The following NPSR1 variants were observed in gnomAD, a reference collection of about 807,000 sequenced individuals.
NPSR1 encodes neuropeptide S receptor 1, also known as neuropeptide S receptor.
Under a neutral mutation model 46.9 loss-of-function variants are expected in NPSR1, and 48 were observed. That is an observed-to-expected ratio of 1.02 (90% CI 0.81 to 1.30). NPSR1 has a LOEUF of 1.30. NPSR1 is among the 50% of genes most tolerant of loss of function. NPSR1 has a pLI of 0.00. For missense variants in NPSR1, 450 were observed against 449.5 expected (o/e 1.00, Z -0.01); for synonymous variants, 176 against 168.1 (o/e 1.05, Z -0.36).
At chr7:34,840,215 G>C (rs1405006648) in intron 6 of NPSR1, among the ~76,000 whole-genome samples, 4 of 152,182 alleles carry the variant, frequency 2.6e-5, no homozygotes, top group African/African-American at 4.8e-5. Context: ...AATGGGGAGA[G>C]AGGGAGCACC....
At chr7:34,813,164 C>T (rs564879874) in intron 4 of NPSR1, among the ~76,000 whole-genome samples, 9 of 152,214 alleles carry the variant, frequency 5.9e-5, no homozygotes, top group East Asian at 3.9e-4. Flanking sequence ...AGGAATTCAT[C>T]GCTAACCTTG....
At chr7:34,799,124 T>C (rs974769093) in intron 3 of NPSR1, among the ~76,000 whole-genome samples, 12 of 152,062 alleles carry the variant, frequency 7.9e-5, no homozygotes, top group African/African-American at 2.7e-4. Context: ...AATTATTAAA[T>C]TGAAGTAGAA....
intron 8 of NPSR1, among the ~76,000 whole-genome samples, chr7:34,869,597 C>G (rs541056371): frequency 6.6e-6 from 1 of 151,884 alleles, no homozygotes; most frequent in Non-Finnish European, 1.5e-5. Context: ...ACTTCCTATA[C>G]CCTTGGGGCG....
downstream of NPSR1, among the ~76,000 whole-genome samples, chr7:34,852,246 G>T (rs996876461): frequency 2.6e-5 from 4 of 152,116 alleles, no homozygotes; most frequent in Admixed American, 1.3e-4. Context: ...CTTGCAGTGA[G>T]CCGAGATCAC....
intron 2 of NPSR1, among the ~76,000 whole-genome samples, chr7:34,697,136 T>A (rs1208181623): frequency 6.6e-6 from 1 of 151,972 alleles, no homozygotes; most frequent in East Asian, 1.9e-4. Flanking sequence ...TTGGATTCTT[T>A]ATTTTTTTTA....
intron 4 of NPSR1, among the ~76,000 whole-genome samples, chr7:34,824,166 C>T (rs771789385): frequency 2.0e-5 from 3 of 152,118 alleles, no homozygotes; most frequent in Admixed American, 6.6e-5. Flanking sequence ...TTAAGCTTGA[C>T]GTTTCTGGTT....
chr7:34,702,685 T>C (rs1793891136), intron 2 of NPSR1, among the ~76,000 whole-genome samples: 1 of 152,220 alleles, frequency 6.6e-6, no homozygotes. Flanking sequence ...TGTTTATGCT[T>C]TTCTCCCATT....
chr7:34,688,708 G>A (rs575136207), intron 2 of NPSR1, among the ~76,000 whole-genome samples: 1 of 152,182 alleles, frequency 6.6e-6, no homozygotes, highest in Admixed American at 6.5e-5. Flanking sequence ...AGGTGCACCT[G>A]CTCCTCCAGA....
Position 34,849,758 on chromosome 7 carries a change from C to A in NPSR1, c.*103C>A. ...GGAACCCGAGCCAACTTCACCCCAC[C>A]CTCGTCATTACCTGGGAGATGCACA... On this transcript the variant is annotated 3_prime_UTR_variant, in exon 9 of 9. Transcript: ENST00000360581. The A allele has an allele frequency of 6.4e-7, 1 of 1,559,978 alleles. No homozygotes were observed. Among genetic ancestry groups the A allele is most frequent in the South Asian group, 1.2e-5 (1 of 82,574 alleles).
intron 1 of NPSR1, among the ~76,000 whole-genome samples, chr7:34,683,813 T>A (rs2893484): frequency 0.22 from 33,956 of 152,094 alleles, 4,039 homozygotes; most frequent in South Asian, 0.33. Flanking sequence ...ACCTAGTCAC[T>A]TCTTAAAGGT....
chr7:34,870,076 A>T (rs1471680207), intron 8 of NPSR1, among the ~76,000 whole-genome samples: 3 of 151,934 alleles, frequency 2.0e-5, no homozygotes, highest in South Asian at 2.1e-4. Flanking sequence ...TCTTCTTGTC[A>T]TCTGCCTGAT....
At chr7:34,690,713 C>G (rs1793206864) in intron 2 of NPSR1, among the ~76,000 whole-genome samples, 2 of 152,070 alleles carry the variant, frequency 1.3e-5, no homozygotes, top group African/African-American at 4.8e-5. Context: ...TGCCTAGTGC[C>G]TTTGATAAAT....
chr7:34,690,493 AC>A (rs1173900211), intron 2 of NPSR1, among the ~76,000 whole-genome samples: 4 of 152,156 alleles, frequency 2.6e-5, no homozygotes, highest in Admixed American at 2.6e-4. Flanking sequence ...GAAAACCAAC[AC>A]AAAGAAAACA....
At chr7:34,850,064 A>C (rs1790888687), downstream of NPSR1, 2 of 869,754 alleles carry the variant, frequency 2.3e-6, no homozygotes, top group East Asian at 1.2e-4. Context: ...AATTAAGCCC[A>C]TATTTTTCCC....
At chr7:34,846,570 C>T (rs1790748032) in intron 7 of NPSR1, among the ~76,000 whole-genome samples, 1 of 152,096 alleles carries the variant, frequency 6.6e-6, no homozygotes, top group East Asian at 1.9e-4. Context: ...AGCACAGCTA[C>T]ACTAGAAGAA....
intron 8 of NPSR1, among the ~76,000 whole-genome samples, chr7:34,861,476 T>C (rs1330089730): frequency 1.3e-5 from 2 of 151,852 alleles, no homozygotes; most frequent in Non-Finnish European, 1.5e-5. Flanking sequence ...CTATCTGGCA[T>C]TTTTCTTTTG....
At chr7:34,672,308 A>G (rs1464585554) in intron 1 of NPSR1, among the ~76,000 whole-genome samples, 2 of 152,214 alleles carry the variant, frequency 1.3e-5, no homozygotes, top group Non-Finnish European at 1.5e-5. Flanking sequence ...CAAAGCTTTC[A>G]ATACATGCTA....
chr7:34,675,819 T>C (rs1397820728), intron 1 of NPSR1, among the ~76,000 whole-genome samples: 1 of 152,262 alleles, frequency 6.6e-6, no homozygotes, highest in Non-Finnish European at 1.5e-5. Flanking sequence ...AGCCAATCAG[T>C]CATGTGCCAG....
intron 2 of NPSR1, among the ~76,000 whole-genome samples, chr7:34,748,418 C>T (rs1381909685): frequency 6.6e-6 from 1 of 152,144 alleles, no homozygotes; most frequent in South Asian, 2.1e-4. Context: ...CAGGAAGTCC[C>T]CAGGGTGACC....
Sources: gnomAD v4.1 joint callset for allele counts (sites outside exome capture counted in the v4.1 genomes callset) on GRCh38, gnomAD v4.1.1 for gene constraint, MANE v1.5 for transcripts, NCBI Gene and HGNC (gene_info 2026-07-23, HGNC 2026-07-21) for gene names.